The following ADCY2 variants were observed in gnomAD, a reference collection of about 807,000 sequenced individuals.
The protein encoded by ADCY2 is adenylate cyclase type 2.
Under a neutral mutation model 125.2 loss-of-function variants are expected in ADCY2, and 31 were observed. That is an observed-to-expected ratio of 0.25 (90% CI 0.19 to 0.33). The LOEUF (loss-of-function observed/expected upper bound fraction) is 0.33. Among genes scored for constraint, ADCY2 ranks in the 10% least tolerant of loss-of-function variants. The pLI, the probability that ADCY2 is intolerant of heterozygous loss-of-function variation, is 1.00. For synonymous variants in ADCY2, 512 were observed against 548.4 expected (o/e 0.93, Z 0.93); for missense variants, 904 against 1,418.2 (o/e 0.64, Z 5.82).
intron 3 of ADCY2, among the ~76,000 whole-genome samples, chr5:7,588,215 G>A (rs1424587398): frequency 6.6e-6 from 1 of 151,964 alleles, no homozygotes; most frequent in East Asian, 1.9e-4. Context: ...GAATGTTTTG[G>A]AAAAAATTAA....
intron 2 of ADCY2, among the ~76,000 whole-genome samples, chr5:7,462,041 G>A (rs1194473468): frequency 1.3e-5 from 2 of 152,166 alleles, no homozygotes; most frequent in Non-Finnish European, 2.9e-5. Flanking sequence ...GAGGATGAAC[G>A]CTTTTCCTGT....
At chr5:7,731,323 T>C (rs1036666563) in intron 14 of ADCY2, among the ~76,000 whole-genome samples, 1 of 151,054 alleles carries the variant, frequency 6.6e-6, no homozygotes, top group Non-Finnish European at 1.5e-5. Flanking sequence ...TGGCACAATC[T>C]CAGCTCACTG....
At chr5:7,746,488 T>C (rs1273404486) in intron 15 of ADCY2, 1 of 152,250 alleles carries the variant, frequency 6.6e-6, no homozygotes, top group Non-Finnish European at 1.5e-5. Context: ...AAGGCTTAAG[T>C]GCACTCTGCA....
chr5:7,445,498 TC>T (rs1255074888), intron 2 of ADCY2, among the ~76,000 whole-genome samples: 1 of 152,244 alleles, frequency 6.6e-6, no homozygotes, highest in African/African-American at 2.4e-5. Flanking sequence ...ATAATGGACT[TC>T]CTACCCTCAG....
chr5:7,600,774 G>C (rs77322080), intron 3 of ADCY2, among the ~76,000 whole-genome samples: 2 of 152,298 alleles, frequency 1.3e-5, no homozygotes, highest in Admixed American at 6.5e-5. Flanking sequence ...TCTGTGGTGA[G>C]TTCCCATTAA....
At chr5:7,616,924 G>C (rs1479601783) in intron 3 of ADCY2, among the ~76,000 whole-genome samples, 2 of 151,982 alleles carry the variant, frequency 1.3e-5, no homozygotes, top group East Asian at 3.9e-4. Flanking sequence ...GAGACACCAG[G>C]GTTGTGTGCT....
At chr5:7,768,102 G>A (rs1370249003) in intron 17 of ADCY2, among the ~76,000 whole-genome samples, 1 of 152,084 alleles carries the variant, frequency 6.6e-6, no homozygotes, top group African/African-American at 2.4e-5. Flanking sequence ...ACTAGGTCAT[G>A]GGCAAAATGA....
intron 15 of ADCY2, among the ~76,000 whole-genome samples, chr5:7,749,241 C>G (rs1375422937): frequency 3.9e-5 from 6 of 151,974 alleles, no homozygotes; most frequent in African/African-American, 1.5e-4. Context: ...AGGTTCTGGG[C>G]AAAGTGTAAA....
chr5:7,636,357 C>A (rs1037272300), intron 4 of ADCY2, among the ~76,000 whole-genome samples: 2 of 152,080 alleles, frequency 1.3e-5, no homozygotes, highest in African/African-American at 4.8e-5. Flanking sequence ...GGTTTCTAAT[C>A]GGTGGGTTTA....
chr5:7,789,303 A>G (rs1744179737), intron 19 of ADCY2, among the ~76,000 whole-genome samples: 1 of 152,256 alleles, frequency 6.6e-6, no homozygotes, highest in Admixed American at 6.5e-5. Context: ...TCATGTATTC[A>G]TCATTTATAT....
At chr5:7,682,169 A>T (rs1462942422) in intron 4 of ADCY2, among the ~76,000 whole-genome samples, 1 of 152,238 alleles carries the variant, frequency 6.6e-6, no homozygotes, top group African/African-American at 2.4e-5. Flanking sequence ...GAACTGATAT[A>T]TGGGAAGTGG....
chr5:7,716,601 G>C (rs538708768), intron 11 of ADCY2, among the ~76,000 whole-genome samples: 3 of 152,218 alleles, frequency 2.0e-5, no homozygotes, highest in Non-Finnish European at 4.4e-5. Context: ...GTGGCTGGAT[G>C]TTAATAGAGA....
At chr5:7,467,242 A>C (rs1258838322) in intron 2 of ADCY2, among the ~76,000 whole-genome samples, 1 of 152,210 alleles carries the variant, frequency 6.6e-6, no homozygotes, top group Non-Finnish European at 1.5e-5. Context: ...GACAACAAAC[A>C]GGTTCATAAC....
intron 10 of ADCY2, among the ~76,000 whole-genome samples, chr5:7,710,274 CT>C (rs1201806978): frequency 1.3e-5 from 2 of 152,152 alleles, no homozygotes; most frequent in African/African-American, 4.8e-5. Flanking sequence ...TTCTCTTCAT[CT>C]TTTTTCAACT....
At chr5:7,603,784 CTTTTTTT>C in intron 3 of ADCY2, among the ~76,000 whole-genome samples, 699 of 62,804 alleles carry the variant, frequency 0.011, no homozygotes, top group African/African-American at 0.042. Flanking sequence ...TGCTCTCTTT[CTTTTTTT>C]TTTTTTTTTT....
Position 7,772,336 on chromosome 5 carries a change from G to A in ADCY2, c.2215-596G>A, listed in dbSNP as rs547264822. Among the ~76,000 whole-genome samples, 6 of 152,226 alleles carry A rather than the reference G, an allele frequency of 3.9e-5. No homozygotes were observed. In the South Asian group the frequency reaches 1.0e-3, roughly 26 times the overall value. ...CAGCTCGCTGGCCGCCACTTGGTTC[G>A]TCCGCTTTCTTCTGGTGCCTGTCAA... On this transcript the variant is annotated intron_variant, in intron 17 of 24. Transcript: ENST00000338316.
chr5:7,533,663 A>C (rs971631130), intron 3 of ADCY2, among the ~76,000 whole-genome samples: 1 of 152,084 alleles, frequency 6.6e-6, no homozygotes, highest in Non-Finnish European at 1.5e-5. Context: ...TATTTTCTAT[A>C]TATTTTGCTA....
At chr5:7,599,881 G>T (rs1474764740) in intron 3 of ADCY2, among the ~76,000 whole-genome samples, 1 of 152,176 alleles carries the variant, frequency 6.6e-6, no homozygotes, top group Non-Finnish European at 1.5e-5. Context: ...GCTTAAAAAT[G>T]CTCCTGGGAT....
intron 7 of ADCY2, 48 bp downstream of exon 7, chr5:7,698,422 G>T: frequency 6.2e-7 from 1 of 1,604,634 alleles, no homozygotes; most frequent in African/African-American, 1.3e-5. Flanking sequence ...TTAAGTTCTG[G>T]GGTACATGTG....
Sources: allele counts gnomAD v4.1 joint callset (sites outside exome capture counted in the v4.1 genomes callset), GRCh38; gene constraint gnomAD v4.1.1; transcripts MANE v1.5; gene names NCBI Gene and HGNC (gene_info 2026-07-23, HGNC 2026-07-21).